Variants in ATL1 observed in about 807,000 individuals in gnomAD.
ATL1 encodes the protein atlastin-1.
ATL1 carries 31 observed loss-of-function variants against 75.5 expected under a neutral mutation model. The observed-to-expected ratio is 0.41, with a 90% CI of 0.31 to 0.55. The LOEUF (loss-of-function observed/expected upper bound fraction) is 0.55, where lower values mean the gene tolerates loss of function less well. Among genes scored for constraint, ATL1 ranks in the 20% least tolerant of loss-of-function variants. ATL1 has a pLI of 0.27. For missense variants in ATL1, 405 were observed against 662.6 expected, an observed-to-expected ratio of 0.61 and a Z score of 4.27; for synonymous variants, 226 against 233.3, an observed-to-expected ratio of 0.97 and a Z score of 0.28.
Position 50,587,099 on chromosome 14 carries a change from G to C in ATL1, c.35-732G>C, listed in dbSNP as rs542093234. On this transcript the variant is annotated intron_variant, in intron 1 of 13. Coordinates refer to ENST00000358385, the MANE Select transcript of ATL1 (RefSeq NM_015915.5). ...AATCTGTGATTCTGAGCCCTTCTAG[G>C]TATTTCTTCCTATATATGTTCAGCT... Among the ~76,000 whole-genome samples the C allele has an allele frequency of 7.9e-5, 12 of 152,106 alleles. 1 individual carries two copies. In the South Asian group the frequency reaches 2.5e-3, roughly 32 times the overall value.
At chr14:50,618,531 A>G (rs1461577962) in intron 8 of ATL1, among the ~76,000 whole-genome samples, 2 of 152,028 alleles carry the variant, frequency 1.3e-5, no homozygotes, top group Non-Finnish European at 2.9e-5. Flanking sequence ...ATGAAACAAA[A>G]TAACTTGGAA....
At chr14:50,623,037 A>G in intron 10 of ATL1, 140 bp from the exon 11 acceptor site, 1 of 723,388 alleles carries the variant, frequency 1.4e-6, no homozygotes, top group Non-Finnish European at 2.4e-6. Context: ...TAGTAGAAAT[A>G]TTATAACAGT....
chr14:50,570,184 T>C (rs1191178740), intron 1 of ATL1, among the ~76,000 whole-genome samples: 1 of 152,180 alleles, frequency 6.6e-6, no homozygotes, highest in Non-Finnish European at 1.5e-5. Flanking sequence ...TGTATGTTGG[T>C]TCATTTGATG....
chr14:50,630,958 A>G, intron 13 of ATL1: 1 of 455,604 alleles, frequency 2.2e-6, no homozygotes, highest in Non-Finnish European at 4.4e-6. Flanking sequence ...ATACAGACGT[A>G]ATGCCATAAG....
chr14:50,536,392 C>T (rs2038492549), intron 1 of ATL1, among the ~76,000 whole-genome samples: 1 of 148,238 alleles, frequency 6.7e-6, no homozygotes, highest in East Asian at 2.0e-4. Context: ...GCCAAGATTG[C>T]ACCATTGCAC....
chr14:50,624,177 A>T (rs966492347), intron 11 of ATL1, among the ~76,000 whole-genome samples: 1 of 152,088 alleles, frequency 6.6e-6, no homozygotes, highest in Non-Finnish European at 1.5e-5. Flanking sequence ...TCTCGATATA[A>T]TTAAATCTCA....
At chr14:50,547,039 G>A (rs1223455086) in intron 1 of ATL1, among the ~76,000 whole-genome samples, 5 of 151,936 alleles carry the variant, frequency 3.3e-5, no homozygotes, top group African/African-American at 1.2e-4. Flanking sequence ...AGTGGGAGTT[G>A]AACAAAGAGA....
intron 6 of ATL1, among the ~76,000 whole-genome samples, chr14:50,600,611 T>C (rs2039262909): frequency 1.3e-5 from 2 of 152,154 alleles, no homozygotes; most frequent in Admixed American, 1.3e-4. Context: ...AGAAAAAGCA[T>C]AGCAAAAAAT....
At chr14:50,628,622 A>G (rs2039546669) in intron 12 of ATL1, 160 bp downstream of exon 12, 1 of 755,374 alleles carries the variant, frequency 1.3e-6, no homozygotes. Flanking sequence ...TAACTATATA[A>G]TACTGTGTAA....
chr14:50,548,440 C>T (rs2038661778), intron 1 of ATL1, among the ~76,000 whole-genome samples: 1 of 152,188 alleles, frequency 6.6e-6, no homozygotes, highest in Admixed American at 6.5e-5. Context: ...ACTAGAGATG[C>T]CACAAGGATG....
At chr14:50,614,801 A>C (rs189659114) in intron 8 of ATL1, among the ~76,000 whole-genome samples, 21 of 152,294 alleles carry the variant, frequency 1.4e-4, no homozygotes, top group African/African-American at 5.1e-4. Context: ...AGTGCTCCTT[A>C]ATATTTTTAG....
At chr14:50,617,819 G>A (rs1393201305) in intron 8 of ATL1, among the ~76,000 whole-genome samples, 1 of 152,212 alleles carries the variant, frequency 6.6e-6, no homozygotes, top group African/African-American at 2.4e-5. Context: ...CTGGTTTGCA[G>A]ATTTTCTGGT....
intron 6 of ATL1, among the ~76,000 whole-genome samples, chr14:50,604,662 G>A (rs565984034): frequency 3.3e-5 from 5 of 152,174 alleles, no homozygotes; most frequent in South Asian, 2.1e-4. Flanking sequence ...ATAAGTTGAC[G>A]TGAGAGTGTC....
intron 1 of ATL1, among the ~76,000 whole-genome samples, chr14:50,544,135 C>A (rs571121825): frequency 7.8e-4 from 119 of 152,208 alleles, no homozygotes; most frequent in Admixed American, 7.2e-4. Flanking sequence ...TCTAATATTA[C>A]TGGACAGTGG....
chr14:50,558,202 A>G (rs977746554), upstream of ATL1, among the ~76,000 whole-genome samples: 2 of 152,144 alleles, frequency 1.3e-5, no homozygotes, highest in Non-Finnish European at 2.9e-5. Context: ...CCGTCTCTAC[A>G]TACAAAAACA....
At chr14:50,585,277 T>A (rs2039091156) in intron 1 of ATL1, among the ~76,000 whole-genome samples, 2 of 152,230 alleles carry the variant, frequency 1.3e-5, no homozygotes, top group Non-Finnish European at 2.9e-5. Flanking sequence ...AAATTCCATT[T>A]CTATGTGCAT....
At chr14:50,594,338 G>A (rs1566725151) in intron 5 of ATL1, among the ~76,000 whole-genome samples, 2 of 152,176 alleles carry the variant, frequency 1.3e-5, no homozygotes, top group South Asian at 2.1e-4. Flanking sequence ...CCCTTGACAC[G>A]TGGGGATTAT....
intron 1 of ATL1, among the ~76,000 whole-genome samples, chr14:50,544,681 C>T (rs1166752485): frequency 6.6e-6 from 1 of 152,064 alleles, no homozygotes; most frequent in African/African-American, 2.4e-5. Context: ...CACTTGTAAT[C>T]TCAGAGCTTT....
chr14:50,593,799 G>A (rs752269528), intron 4 of ATL1, 47 bp from the exon 5 acceptor site: 3 of 1,273,194 alleles, frequency 2.4e-6, no homozygotes, highest in Non-Finnish European at 3.4e-6. Context: ...TAAGTGCTTA[G>A]GATGATGCCA....
Sources: gnomAD v4.1 joint callset for allele counts (sites outside exome capture counted in the v4.1 genomes callset) on GRCh38, gnomAD v4.1.1 for gene constraint, MANE v1.5 for transcripts, NCBI Gene and HGNC (gene_info 2026-07-23, HGNC 2026-07-21) for gene names.